GJA10: variants seen among roughly 807,000 people sequenced by gnomAD.
GJA10 encodes gap junction alpha-10 protein.
For missense variants in GJA10, 685 were observed against 651.9 expected (o/e 1.05, Z -0.55); for synonymous variants, 239 against 233.0 (o/e 1.03, Z -0.23).
chr6:89,895,144 A>G lies in GJA10; in HGVS notation c.676A>G (p.Asn226Asp), dbSNP rs1771728025. Residue 226 changes from asparagine to aspartate, a missense_variant, in exon 1 of 1, where the codon AAT becomes GAT. Asn to Asp is a conservative substitution (Grantham distance 23). Coordinates refer to ENST00000369352, the MANE Select transcript of GJA10 (RefSeq NM_032602.2). ...CATTGCAGCCATTTCCTTGTTACTC[A>G]ATATACTGGAAATATTTCATCTAGG... ...HSIAAISLLL[N>D]ILEIFHLGIR... 1 of 1,613,974 alleles carries G rather than the reference A, an allele frequency of 6.2e-7. No homozygotes were observed.
In GJA10 at chr6:89,895,059, G is replaced by A. The variant is rs768195094; in HGVS notation, c.591G>A (p.Ala197=). The part of the protein sequence containing the change: ...YKCTQPPCPN[A]VDCFVSRPTE... ...GCACTCAACCTCCTTGCCCCAATGCGGTGGATTGCTTTGTATCCAGGCCCA... is the reference window on the plus strand; with the variant it reads ...GCACTCAACCTCCTTGCCCCAATGCAGTGGATTGCTTTGTATCCAGGCCCA... The change falls in exon 1 of 1, where the codon GCG becomes GCA. Residue 197 remains alanine, a synonymous_variant. Coordinates refer to ENST00000369352, the MANE Select transcript of GJA10 (RefSeq NM_032602.2). The A allele has an allele frequency of 2.5e-5, 40 of 1,613,944 alleles. No homozygotes were observed. The highest frequency in any genetic ancestry group is 1.8e-4 in the Admixed American group (11 of 59,980).
Position 89,894,870 on chromosome 6 carries a change from A to G in GJA10, c.402A>G (p.Glu134=). 6.2e-7 allele frequency: 1 copy of G among 1,614,204 alleles called. No homozygotes were observed. The highest frequency in any genetic ancestry group is 1.3e-5 in the African/African-American group (1 of 75,040). The stretch of plus-strand genomic sequence containing the variant: ...AGGAGCAGCAAAGAATAGATAGGGA[A>G]CTGAGGAGGTTAGAGGAGCAGAAGA... ...DLEEQQRIDR[E]LRRLEEQKRI... The change falls in exon 1 of 1, where the codon GAA becomes GAG. Residue 134 remains glutamate (E), a synonymous_variant. Coordinates refer to ENST00000369352, the MANE Select transcript of GJA10 (RefSeq NM_032602.2).
chr6:89,895,884 A>C lies in GJA10; in HGVS notation c.1416A>C (p.Ser472=). The change falls in exon 1 of 1, where the codon TCA becomes TCC. Residue 472 remains serine, a synonymous_variant. Transcript: ENST00000369352. The part of the protein sequence containing the change: ...HWENSPSPLP[S]VTGHRTSMVR... Reference sequence around the variant, plus strand: ...AAAACAGCCCCTCACCTCTGCCTTCAGTCACTGGGCACAGAACATCAATGG... The same window carrying C: ...AAAACAGCCCCTCACCTCTGCCTTCCGTCACTGGGCACAGAACATCAATGG... 1 of 1,614,210 alleles carries C rather than the reference A, an allele frequency of 6.2e-7. No individual in the cohort carries two copies. The highest frequency in any genetic ancestry group is 1.6e-4 in the Middle Eastern group (1 of 6,062).
In GJA10 at chr6:89,895,853, A is replaced by T; in HGVS notation, c.1385A>T (p.His462Leu). The change falls in exon 1 of 1, where the codon CAC (histidine) becomes CTC (leucine). Residue 462 changes from histidine (H) to leucine (L), a missense_variant. His to Leu is a moderately conservative substitution (Grantham distance 99, BLOSUM62 -3). Coordinates refer to ENST00000369352, the MANE Select transcript of GJA10 (RefSeq NM_032602.2). ...AATAGCTCCTGCTTGGATTTTCCTC[A>T]CTGGGAAAACAGCCCCTCACCTCTG... The part of the protein sequence containing the change: ...SRNSSCLDFP[H>L]WENSPSPLPS... The T allele has an allele frequency of 6.2e-7, 1 of 1,614,098 alleles. No homozygotes were observed. Among genetic ancestry groups the T allele is most frequent in the Non-Finnish European group, 8.5e-7 (1 of 1,180,014 alleles).
Position 89,895,360 on chromosome 6 carries a change from A to T in GJA10, c.892A>T (p.Lys298Ter). 6.2e-7 allele frequency: 1 copy of T among 1,614,206 alleles called. No individual in the cohort carries two copies. Among genetic ancestry groups the T allele is most frequent in the South Asian group, 1.1e-5 (1 of 91,088 alleles). ...GCAAGTCATTCGAGTTAATGTGCCA[A>T]AGTCTAAAACCATGTGGCAAATCCC... The change falls in exon 1 of 2, where the codon AAG becomes TAG. Residue 298 changes from lysine (K) to a stop codon, truncating the protein, a stop_gained. Coordinates refer to the GJA10 transcript ENST00000638915. LOFTEE classifies it high-confidence loss of function.
At position 89,895,825 on chromosome 6, in the gene GJA10, C is replaced by T. The variant is rs200436364; in HGVS notation, c.1357C>T (p.Arg453Trp). The T allele has an allele frequency of 1.1e-4, 179 of 1,614,034 alleles. No individual in the cohort carries two copies. The highest frequency in any genetic ancestry group is 3.1e-4 in the East Asian group (14 of 44,882). The change falls in exon 1 of 1, where the codon CGG (arginine) becomes TGG (tryptophan). Residue 453 changes from arginine (R) to tryptophan (W), a missense_variant. Physicochemically the swap from Arg to Trp is moderately radical, Grantham distance 101 (BLOSUM62 -3). Transcript: ENST00000369352. The stretch of plus-strand genomic sequence containing the variant: ...CAGTGACTCAGGAAGCTCTGGTTCT[C>T]GGAATAGCTCCTGCTTGGATTTTCC... Reference protein sequence around the residue: ...LHSDSGSSGSRNSSCLDFPHW... With the variant: ...LHSDSGSSGSWNSSCLDFPHW...
chr6:89,895,531 C>A lies in GJA10; in HGVS notation c.1063C>A (p.His355Asn), dbSNP rs1402187063. ...GNQHLGQQSDHSSFGLQNTMS... is the reference protein window; with the variant it reads ...GNQHLGQQSDNSSFGLQNTMS... ...TCAGCACCTGGGACAGCAATCAGAC[C>A]ATTCCTCATTTGGCCTGCAGAATAC... is the stretch of plus-strand genomic sequence containing the variant. The change falls in exon 1 of 1, where the codon CAT becomes AAT. Residue 355 changes from histidine (H) to asparagine (N), a missense_variant. His to Asn is a moderately conservative substitution (Grantham distance 68). Transcript: ENST00000369352. 1.2e-6 allele frequency: 2 copies of A among 1,614,182 alleles called. No individual in the cohort carries two copies. The highest frequency in any genetic ancestry group is 2.2e-5 in the South Asian group (2 of 91,076).
At position 89,894,852 on chromosome 6, in the gene GJA10, G is replaced by A. The variant is rs1771718499; in HGVS notation, c.384G>A (p.Gln128=). The change falls in exon 1 of 1, where the codon CAG becomes CAA. Residue 128 remains glutamine (Q), a synonymous_variant. Transcript: ENST00000369352. ...ATCCAGATCTTGACTTGGAGGAGCA[G>A]CAAAGAATAGATAGGGAACTGAGGA... ...MENPDLDLEE[Q]QRIDRELRRL... The A allele has an allele frequency of 3.7e-6, 6 of 1,614,188 alleles. No homozygotes were observed. The highest frequency in any genetic ancestry group is 5.1e-6 in the Non-Finnish European group (6 of 1,180,032).
chr6:89,894,781 A>G lies in GJA10; in HGVS notation c.313A>G (p.Lys105Glu), dbSNP rs1417564822. Residue 105 changes from lysine (K) to glutamate (E), a missense_variant, in exon 1 of 1, where the codon AAA (lysine) becomes GAA (glutamate). Lys to Glu is a moderately conservative substitution (Grantham distance 56). Transcript: ENST00000369352. ...HALYRLRAFE[K>E]DRQRKKSHLR... ...ACTTTATAGGCTCAGGGCCTTTGAG[A>G]AAGACAGGCAGAGGAAAAAGTCACA... 1.2e-6 allele frequency: 2 copies of G among 1,614,002 alleles called. No homozygotes were observed. The highest frequency in any genetic ancestry group is 1.7e-6 in the Non-Finnish European group (2 of 1,180,032).
Position 89,894,948 on chromosome 6 carries a change from C to T in GJA10, c.480C>T (p.His160=), listed in dbSNP as rs1159810068. The T allele has an allele frequency of 2.5e-6, 4 of 1,614,176 alleles. No individual in the cohort carries two copies. The highest frequency in any genetic ancestry group is 3.4e-6 in the Non-Finnish European group (4 of 1,180,018). The change falls in exon 1 of 1, where the codon CAC becomes CAT. Residue 160 remains histidine (H), a synonymous_variant. Coordinates refer to ENST00000369352, the MANE Select transcript of GJA10 (RefSeq NM_032602.2). The part of the protein sequence containing the change: ...KGCLLRTYVL[H]ILTRSVLEVG... Reference sequence around the variant, plus strand: ...GTCTGCTGCGTACTTATGTCTTACACATCTTGACCAGATCTGTGCTGGAAG... The same window carrying T: ...GTCTGCTGCGTACTTATGTCTTACATATCTTGACCAGATCTGTGCTGGAAG...
At position 89,895,003 on chromosome 6, in the gene GJA10, T is replaced by C. The variant is rs1483411293; in HGVS notation, c.535T>C (p.Tyr179His). 1.2e-6 allele frequency: 2 copies of C among 1,614,186 alleles called. No individual in the cohort carries two copies. ...VGFMIGQYIL[Y>H]GFQMHPLYKC... ...ATTCATGATAGGCCAATATATTCTC[T>C]ATGGGTTTCAAATGCACCCCCTTTA... The change falls in exon 1 of 1, where the codon TAT (tyrosine) becomes CAT (histidine). Residue 179 changes from tyrosine (Y) to histidine (H), a missense_variant. Tyr to His is a moderately conservative substitution (Grantham distance 83). Transcript: ENST00000369352.
At position 89,895,191 on chromosome 6, in the gene GJA10, A is replaced by G; in HGVS notation, c.723A>G (p.Thr241=). ...FHLGIRKIMR[T]LYKKSSSEGI... ...TAGGCATCAGAAAAATTATGAGGAC[A>G]CTTTATAAGAAATCCAGCAGTGAGG... The change falls in exon 1 of 1, where the codon ACA becomes ACG. Residue 241 remains threonine (T), a synonymous_variant. Coordinates refer to ENST00000369352, the MANE Select transcript of GJA10 (RefSeq NM_032602.2). The G allele has an allele frequency of 6.2e-7, 1 of 1,614,176 alleles. No individual in the cohort carries two copies. The highest frequency in any genetic ancestry group is 8.5e-7 in the Non-Finnish European group (1 of 1,180,026).
Position 89,895,944 on chromosome 6 carries a change from A to G in GJA10, c.1476A>G (p.Ser492=). The G allele has an allele frequency of 5.0e-6, 8 of 1,614,160 alleles. No individual in the cohort carries two copies. The highest frequency in any genetic ancestry group is 5.9e-6 in the Non-Finnish European group (7 of 1,180,020). ...RQAALPIMEL[S]QELFHSGCFL... is the part of the protein sequence containing the mutation. ...CAGCCCTACCGATCATGGAACTATC[A>G]CAAGAGCTGTTCCATTCTGGATGCT... is the stretch of plus-strand genomic sequence containing the variant. Residue 492 remains serine (S), a synonymous_variant, in exon 1 of 1, where the codon TCA becomes TCG. Coordinates refer to ENST00000369352, the MANE Select transcript of GJA10 (RefSeq NM_032602.2).
Position 89,894,946 on chromosome 6 carries a change from C to T in GJA10, c.478C>T (p.His160Tyr), listed in dbSNP as rs745446516. ...ATGTCTGCTGCGTACTTATGTCTTA[C>T]ACATCTTGACCAGATCTGTGCTGGA... ...KGCLLRTYVL[H>Y]ILTRSVLEVG... Residue 160 changes from histidine (H) to tyrosine (Y), a missense_variant, in exon 1 of 1, where the codon CAC becomes TAC. By Grantham distance (83) the His-to-Tyr change is moderately conservative. Coordinates refer to ENST00000369352, the MANE Select transcript of GJA10 (RefSeq NM_032602.2). 2 of 1,614,182 alleles carry T rather than the reference C, an allele frequency of 1.2e-6. No homozygotes were observed. The highest frequency in any genetic ancestry group is 2.7e-5 in the African/African-American group (2 of 75,036).
In GJA10 at chr6:89,895,937, A is replaced by G; in HGVS notation, c.1469A>G (p.Glu490Gly). ...AGACAGGCAGCCCTACCGATCATGG[A>G]ACTATCACAAGAGCTGTTCCATTCT... ...MVRQAALPIM[E>G]LSQELFHSGC... Residue 490 changes from glutamate (E) to glycine (G), a missense_variant, in exon 1 of 1, where the codon GAA becomes GGA. Transcript: ENST00000369352. 1.9e-6 allele frequency: 3 copies of G among 1,614,174 alleles called. No homozygotes were observed. Among genetic ancestry groups the G allele is most frequent in the Non-Finnish European group, 2.5e-6 (3 of 1,180,032 alleles).
In GJA10 at chr6:89,895,195, T is replaced by A; in HGVS notation, c.727T>A (p.Tyr243Asn). The A allele has an allele frequency of 6.2e-7, 1 of 1,614,144 alleles. No individual in the cohort carries two copies. The highest frequency in any genetic ancestry group is 8.5e-7 in the Non-Finnish European group (1 of 1,180,026). ...LGIRKIMRTL[Y>N]KKSSSEGIED... ...CATCAGAAAAATTATGAGGACACTTTATAAGAAATCCAGCAGTGAGGGCAT... is the reference window on the plus strand; with the variant it reads ...CATCAGAAAAATTATGAGGACACTTAATAAGAAATCCAGCAGTGAGGGCAT... Residue 243 changes from tyrosine to asparagine, a missense_variant, in exon 1 of 1, where the codon TAT becomes AAT. Transcript: ENST00000369352.
At position 89,896,004 on chromosome 6, in the gene GJA10, G is replaced by A. The variant is rs1385845411; in HGVS notation, c.1536G>A (p.Met512Ile). The change falls in exon 1 of 1, where the codon ATG becomes ATA. Residue 512 changes from methionine to isoleucine, a missense_variant. By Grantham distance (10) the Met-to-Ile change is conservative. Transcript: ENST00000369352. ...CTTTCTTTCTTCCTGGGGTGTGTAT[G>A]TATGTTTGTGTTGACAGAGAGGCAG... ...LFPFFLPGVC[M>I]YVCVDREADG... The A allele has an allele frequency of 3.7e-6, 6 of 1,613,606 alleles. No individual in the cohort carries two copies. The Admixed American group carries it at 8.3e-5, about 22-fold the overall frequency.
chr6:89,895,496 G>A lies in GJA10; in HGVS notation c.1028G>A (p.Ser343Asn), dbSNP rs1423841175. The part of the protein sequence containing the change: ...HVHSPCPWAG[S>N]AGNQHLGQQS... Reference sequence around the variant, plus strand: ...CACAGCCCGTGTCCCTGGGCTGGCAGTGCTGGAAATCAGCACCTGGGACAG... The same window carrying A: ...CACAGCCCGTGTCCCTGGGCTGGCAATGCTGGAAATCAGCACCTGGGACAG... The change falls in exon 1 of 1, where the codon AGT (serine) becomes AAT (asparagine). Residue 343 changes from serine to asparagine, a missense_variant. Physicochemically the swap from Ser to Asn is conservative, Grantham distance 46. Transcript: ENST00000369352. The A allele has an allele frequency of 1.9e-6, 3 of 1,614,194 alleles. No individual in the cohort carries two copies. In the South Asian group the frequency reaches 3.3e-5, roughly 18 times the overall value.
At position 89,895,323 on chromosome 6, in the gene GJA10, T is replaced by C; in HGVS notation, c.855T>C (p.Ala285=). The change falls in exon 1 of 1, where the codon GCT becomes GCC. Residue 285 remains alanine (A), a synonymous_variant. Coordinates refer to ENST00000369352, the MANE Select transcript of GJA10 (RefSeq NM_032602.2). The stretch of plus-strand genomic sequence containing the variant: ...CTGAAAGAATCTCTCCACTTCAAGC[T>C]AACAATCAACAGCAAGTCATTCGAG... ...SLPERISPLQ[A]NNQQQVIRVN... 7.4e-6 allele frequency: 12 copies of C among 1,614,194 alleles called. No homozygotes were observed. Among genetic ancestry groups the C allele is most frequent in the Non-Finnish European group, 1.0e-5 (12 of 1,180,038 alleles).
Sources: gnomAD v4.1 joint callset for allele counts on GRCh38, gnomAD v4.1.1 for gene constraint, MANE v1.5 for transcripts, NCBI Gene and HGNC (gene_info 2026-07-23, HGNC 2026-07-21) for gene names.